INHBA: variants seen among roughly 807,000 people sequenced by gnomAD.
INHBA encodes inhibin beta A chain.
Under a neutral mutation model 29.0 loss-of-function variants are expected in INHBA, and 1 was observed. The ratio of observed to expected loss-of-function variants is 0.03; its 90% CI spans 0.01 to 0.16. The LOEUF (loss-of-function observed/expected upper bound fraction) is 0.16. Ranked by LOEUF, INHBA falls within the 10% of genes least tolerant of loss-of-function variation. INHBA has a pLI of 1.00. For synonymous variants in INHBA, 242 were observed against 216.8 expected, an observed-to-expected ratio of 1.12 and a Z score of -1.02; for missense variants, 376 against 545.4, an observed-to-expected ratio of 0.69 and a Z score of 3.09.
In INHBA at chr7:41,689,513, G is replaced by GTTTTTTTTTTTTT. The variant is rs151304258; in HGVS notation, c.*136_*137insAAAAAAAAAAAAA. The GTTTTTTTTTTTTT allele has an allele frequency of 1.4e-6, 1 of 709,014 alleles. No individual in the cohort carries two copies. The highest frequency in any genetic ancestry group is 2.0e-6 in the Non-Finnish European group (1 of 492,752). 43.9% of individuals were successfully genotyped at this position (709,014 alleles called of 1,614,324 possible). A position where few individuals can be genotyped will look rare whatever the true frequency, so the allele number is the denominator to read the frequency against. ...CAGGTTTTGTTTTTAATTTACTTTT[G>GTTTTTTTTTTTTT]TTTTTTTTTGTTTTTTTTTTTGTTT... On this transcript the variant is annotated 3_prime_UTR_variant, in exon 3 of 3. Transcript: ENST00000242208.
chr7:41,696,613 G>C (rs544055784), intron 2 of INHBA, among the ~76,000 whole-genome samples: 1 of 152,174 alleles, frequency 6.6e-6, no homozygotes, highest in East Asian at 1.9e-4. Context: ...TCTTTGGAAC[G>C]CGCCCTCTTG....
chr7:41,699,941 T>TTG, intron 2 of INHBA, 46 bp downstream of exon 2: 1 of 118,748 alleles, frequency 8.4e-6, no homozygotes, highest in Non-Finnish European at 1.8e-5. Flanking sequence ...TATTTTACCC[T>TTG]CCCACCCCCC....
At chr7:41,692,490 A>G (rs376204933) in intron 2 of INHBA, 5 of 152,216 alleles carry the variant, frequency 3.3e-5, no homozygotes, top group African/African-American at 1.2e-4. Context: ...CACTCTGCAC[A>G]CTGTGATTAT....
chr7:41,691,177 C>T (rs1794517123), intron 2 of INHBA: 1 of 152,444 alleles, frequency 6.6e-6, no homozygotes, highest in African/African-American at 2.4e-5. Context: ...AAAATGCAGC[C>T]CCTGGCCCCA....
chr7:41,693,720 C>G (rs1289648966), intron 2 of INHBA, among the ~76,000 whole-genome samples: 2 of 152,190 alleles, frequency 1.3e-5, no homozygotes, highest in African/African-American at 4.8e-5. Context: ...GACTTTCATG[C>G]TGGTCTTGGC....
intron 2 of INHBA, among the ~76,000 whole-genome samples, chr7:41,698,679 G>A (rs1483471371): frequency 1.3e-5 from 2 of 152,172 alleles, no homozygotes; most frequent in Non-Finnish European, 2.9e-5. Flanking sequence ...AAGCTTGTAG[G>A]ACACCAGGGC....
At chr7:41,704,982 G>T (rs529430472), upstream of INHBA, among the ~76,000 whole-genome samples, 1 of 152,042 alleles carries the variant, frequency 6.6e-6, no homozygotes, top group African/African-American at 2.4e-5. Flanking sequence ...CCTACCAGCC[G>T]TGCTGCAACC....
intron 2 of INHBA, 96 bp from the exon 3 acceptor site, chr7:41,690,638 T>A: frequency 7.1e-7 from 1 of 1,415,372 alleles, no homozygotes; most frequent in Non-Finnish European, 9.3e-7. Flanking sequence ...GAGTCTTCTG[T>A]GACAGACCCT....
At position 41,688,662 on chromosome 7, in the gene INHBA, A is replaced by C. The variant is rs1455199178; in HGVS notation, c.*988T>G. ...CCCCAACCAAAGAAAATACTTGTTA[A>C]ATAAGGATTAGACAGGTCAAACACC... is the stretch of plus-strand genomic sequence containing the variant. On this transcript the variant is annotated 3_prime_UTR_variant, in exon 3 of 3. Coordinates refer to ENST00000242208, the MANE Select transcript of INHBA (RefSeq NM_002192.4). 6.7e-6 allele frequency: 1 copy of C among 150,196 alleles called. No individual in the cohort carries two copies. The highest frequency in any genetic ancestry group is 2.5e-5 in the African/African-American group (1 of 40,472). 9.3% of individuals were successfully genotyped at this position (150,196 alleles called of 1,614,324 possible). A position where few individuals can be genotyped will look rare whatever the true frequency, so the allele number is the denominator to read the frequency against.
chr7:41,692,139 A>G (rs1161832766), intron 2 of INHBA: 1 of 152,220 alleles, frequency 6.6e-6, no homozygotes, highest in Non-Finnish European at 1.5e-5. Context: ...TTTTTGATTA[A>G]TCAAATATTT....
Sources: allele counts gnomAD v4.1 joint callset (sites outside exome capture counted in the v4.1 genomes callset), GRCh38; gene constraint gnomAD v4.1.1; transcripts MANE v1.5; gene names NCBI Gene and HGNC (gene_info 2026-07-23, HGNC 2026-07-21).